PCDHA3: variants seen among roughly 807,000 people sequenced by gnomAD.
The protein encoded by PCDHA3 is protocadherin alpha 3.
PCDHA3 carries 41 observed loss-of-function variants against 62.2 expected under a neutral mutation model. The ratio of observed to expected loss-of-function variants is 0.66; its 90% CI spans 0.51 to 0.86. The LOEUF is 0.86. Among genes scored for constraint, PCDHA3 ranks in the 40% least tolerant of loss-of-function variants. The probability of loss-of-function intolerance (pLI) is 0.00; values close to 1 mark genes in which losing one functional copy is unlikely to be tolerated. For synonymous variants in PCDHA3, 640 were observed against 555.4 expected (o/e 1.15, Z -2.14); for missense variants, 1,304 against 1,241.2 (o/e 1.05, Z -0.76).
At chr5:140,957,221 C>T (rs1171404836) in intron 1 of PCDHA3, among the ~76,000 whole-genome samples, 3 of 151,984 alleles carry the variant, frequency 2.0e-5, no homozygotes, top group Non-Finnish European at 4.4e-5. Flanking sequence ...AAAAATTTGG[C>T]GAAGCATTTT....
Position 140,938,882 on chromosome 5 carries a change from C to T in PCDHA3, c.2395-40067C>T, listed in dbSNP as rs529115064. On this transcript the variant is annotated intron_variant, in intron 1 of 3. Transcript: ENST00000522353. ...AACTTAAAAGTTAAGAAGCAACACA[C>T]ACACACACAGATGCGCACACACACA... is the stretch of plus-strand genomic sequence containing the variant. Among the ~76,000 whole-genome samples the T allele has an allele frequency of 3.3e-5, 5 of 152,218 alleles. No individual in the cohort carries two copies. The South Asian group carries it at 1.0e-3, about 32-fold the overall frequency.
intron 1 of PCDHA3, among the ~76,000 whole-genome samples, chr5:140,943,236 TCA>T (rs1454947972): frequency 5.6e-5 from 7 of 124,930 alleles, no homozygotes; most frequent in African/African-American, 1.9e-4. Flanking sequence ...CCAGCCTGGG[TCA>T]CAGAGTGAGA....
chr5:140,851,595 G>C (rs1470017891), intron 1 of PCDHA3: 1 of 919,210 alleles, frequency 1.1e-6, no homozygotes, highest in South Asian at 5.0e-5. Context: ...TTGAAATTCA[G>C]TTTACAGAAA....
chr5:140,877,044 C>G (rs2056811009), intron 1 of PCDHA3: 2 of 1,612,634 alleles, frequency 1.2e-6, no homozygotes, highest in Non-Finnish European at 1.7e-6. Context: ...AGCCGCTAGA[C>G]CACGAGGAGC....
chr5:140,871,071 G>C (rs1554165077), intron 1 of PCDHA3: 2 of 1,613,188 alleles, frequency 1.2e-6, no homozygotes, highest in East Asian at 2.2e-5. Context: ...ACGGTGAGCC[G>C]GCGCTGACGG....
intron 1 of PCDHA3, among the ~76,000 whole-genome samples, chr5:140,972,866 G>A (rs1010114234): frequency 6.6e-6 from 1 of 152,046 alleles, no homozygotes; most frequent in Non-Finnish European, 1.5e-5. Context: ...GTTTCATCAT[G>A]TTGTCCAGGA....
chr5:140,875,443 G>A, intron 1 of PCDHA3: 1 of 1,580,070 alleles, frequency 6.3e-7, no homozygotes. Flanking sequence ...AAAACTGATT[G>A]TCCCAACTCA....
intron 1 of PCDHA3, chr5:140,823,766 T>TGCTGGTGTC (rs1767866619): frequency 6.2e-7 from 1 of 1,613,734 alleles, no homozygotes; most frequent in African/African-American, 1.3e-5. Flanking sequence ...ACAGCCACAG[T>TGCTGGTGTC]GCTGGTGTCG....
At position 140,808,892 on chromosome 5, in the gene PCDHA3, C is replaced by A. The variant is rs13189658; in HGVS notation, c.2394+5301C>A. The A allele has an allele frequency of 2.5e-6, 4 of 1,613,376 alleles. 1 individual carries two copies. The highest frequency in any genetic ancestry group is 3.3e-5 in the Admixed American group (2 of 60,014). On this transcript the variant is annotated intron_variant, in intron 1 of 3. Transcript: ENST00000522353. ...CAACGCGCCAGCACTGCTAGCGCCT[C>A]GGGCGGGTGGCACTGGTGGCGCAGT...
At chr5:141,005,967 A>ACAATTC (rs1554260442) in intron 3 of PCDHA3, among the ~76,000 whole-genome samples, 1 of 152,062 alleles carries the variant, frequency 6.6e-6, no homozygotes, top group Non-Finnish European at 1.5e-5. Flanking sequence ...CAATAAAAAA[A>ACAATTC]CAATTCCAAA....
At chr5:140,938,395 C>G (rs2092045479) in intron 1 of PCDHA3, among the ~76,000 whole-genome samples, 1 of 152,114 alleles carries the variant, frequency 6.6e-6, no homozygotes, top group African/African-American at 2.4e-5. Context: ...ATATGAAATA[C>G]ATTGTTTGAT....
chr5:140,882,562 G>A, intron 1 of PCDHA3: 1 of 1,614,252 alleles, frequency 6.2e-7, no homozygotes, highest in Non-Finnish European at 8.5e-7. Flanking sequence ...TGTGTGGGCG[G>A]AGCGCGGAGT....
intron 1 of PCDHA3, chr5:140,807,856 T>A (rs781955377): frequency 1.2e-6 from 2 of 1,614,214 alleles, no homozygotes; most frequent in Non-Finnish European, 1.7e-6. Context: ...CCGAGTTGAC[T>A]GGCACCGTTC....
intron 1 of PCDHA3, chr5:140,825,552 G>A (rs2150140091): frequency 2.0e-5 from 3 of 151,568 alleles, no homozygotes; most frequent in Admixed American, 6.6e-5. Flanking sequence ...ATCTTCCCAA[G>A]TAGCTGGGAT....
chr5:140,836,323 T>G (rs1408397134), intron 1 of PCDHA3: 1 of 1,613,592 alleles, frequency 6.2e-7, no homozygotes, highest in East Asian at 2.2e-5. Flanking sequence ...CGCCACCGCC[T>G]TCTGGTGCTT....
chr5:140,856,246 G>T (rs782761072), intron 1 of PCDHA3: 2 of 1,598,030 alleles, frequency 1.3e-6, no homozygotes, highest in Admixed American at 1.7e-5. Flanking sequence ...TCCGGGTGGC[G>T]TCCAAAAGAC....
Position 140,816,832 on chromosome 5 carries a change from G to C in PCDHA3, c.2394+13241G>C, listed in dbSNP as rs1018228008. 1.3e-5 allele frequency: 2 copies of C among 151,804 alleles called. 1 individual carries two copies. The highest frequency in any genetic ancestry group is 3.9e-4 in the East Asian group (2 of 5,176). The allele number at this position is 151,804 out of a possible 1,614,324, so 9.4% of individuals were successfully genotyped here. A position where few individuals can be genotyped will look rare whatever the true frequency, so the allele number is the denominator to read the frequency against. Reference sequence around the variant, plus strand: ...ATGCTCTAATCTTTTTCCCTCTGTGGTGTCTGTGTGCTGTACTGTGGGCCC... The same window carrying C: ...ATGCTCTAATCTTTTTCCCTCTGTGCTGTCTGTGTGCTGTACTGTGGGCCC... On this transcript the variant is annotated intron_variant, in intron 1 of 3. Coordinates refer to ENST00000522353, the MANE Select transcript of PCDHA3 (RefSeq NM_018906.3).
chr5:140,953,316 T>G (rs782746401), intron 1 of PCDHA3, among the ~76,000 whole-genome samples: 3 of 152,138 alleles, frequency 2.0e-5, no homozygotes, highest in Non-Finnish European at 2.9e-5. Flanking sequence ...TGGGAAGAAT[T>G]TGATCATAGA....
intron 3 of PCDHA3, among the ~76,000 whole-genome samples, chr5:141,004,084 T>C (rs2098151963): frequency 6.6e-6 from 1 of 152,234 alleles, no homozygotes; most frequent in Non-Finnish European, 1.5e-5. Context: ...GGTAGAAATG[T>C]GCTTCTTCCG....
Sources: gnomAD v4.1 joint callset for allele counts (sites outside exome capture counted in the v4.1 genomes callset) on GRCh38, gnomAD v4.1.1 for gene constraint, MANE v1.5 for transcripts, NCBI Gene and HGNC (gene_info 2026-07-23, HGNC 2026-07-21) for gene names.